The following CWF19L2 variants were observed in gnomAD, a reference collection of about 807,000 sequenced individuals.
CWF19L2 encodes CWF19 like cell cycle control factor 2.
In CWF19L2, 98 loss-of-function variants were observed where a neutral mutation model predicts 111.7. That is an observed-to-expected ratio of 0.88 (90% CI 0.75 to 1.04). CWF19L2 has a LOEUF of 1.04. Among genes scored for constraint, CWF19L2 ranks in the 50% least tolerant of loss-of-function variants. CWF19L2 has a pLI of 0.00. For missense variants in CWF19L2, 1,101 were observed against 1,051.4 expected (o/e 1.05, Z -0.65); for synonymous variants, 351 against 342.9 (o/e 1.02, Z -0.26).
chr11:107,429,782 TA>T (rs1451047059), intron 7 of CWF19L2, among the ~76,000 whole-genome samples: 2 of 134,800 alleles, frequency 1.5e-5, no homozygotes, highest in Non-Finnish European at 3.1e-5. Flanking sequence ...TTCAAGAGGT[TA>T]AATTGCTAAA....
At position 107,450,776 on chromosome 11, in the gene CWF19L2, TA is replaced by T. The variant is rs553923741; in HGVS notation, c.339+3673del. ...CTTCAGACAAGAGTATTACCAAAGA[TA>T]AAAACGAAAACTTCGTAACAACAGT... On this transcript the variant is annotated intron_variant, in intron 3 of 17. Coordinates refer to ENST00000282251, the MANE Select transcript of CWF19L2 (RefSeq NM_152434.3). 1.7e-3 allele frequency among the ~76,000 whole-genome samples: 266 copies of T among 152,168 alleles called. 1 individual carries two copies. Among genetic ancestry groups the T allele is most frequent in the Admixed American group, 3.9e-3 (59 of 15,292 alleles).
chr11:107,355,455 C>A (rs981625484), intron 12 of CWF19L2, among the ~76,000 whole-genome samples: 27 of 150,524 alleles, frequency 1.8e-4, no homozygotes, highest in Admixed American at 8.6e-4. Context: ...ACAACAACAA[C>A]AAAAAACAAA....
intron 15 of CWF19L2, 63 bp downstream of exon 15, chr11:107,336,495 A>C (rs1859925711): frequency 7.9e-7 from 1 of 1,273,468 alleles, no homozygotes; most frequent in Admixed American, 2.5e-5. Context: ...TAAAGACAAC[A>C]ATATTTGTAA....
intron 6 of CWF19L2, among the ~76,000 whole-genome samples, chr11:107,434,005 A>G (rs913853972): frequency 4.7e-5 from 7 of 149,922 alleles, no homozygotes; most frequent in African/African-American, 1.5e-4. Flanking sequence ...TTGCAATCTA[A>G]GAGAATAAGA....
At chr11:107,445,565 T>C (rs1591209865) in intron 3 of CWF19L2, among the ~76,000 whole-genome samples, 1 of 150,592 alleles carries the variant, frequency 6.6e-6, no homozygotes, top group South Asian at 2.1e-4. Flanking sequence ...GATCGTGCCA[T>C]TGCACTCCAG....
In CWF19L2 at chr11:107,334,937, C is replaced by T; in HGVS notation, c.2383G>A (p.Glu795Lys). The T allele has an allele frequency of 1.2e-6, 2 of 1,605,402 alleles. No individual in the cohort carries two copies. Among genetic ancestry groups the T allele is most frequent in the Non-Finnish European group, 8.5e-7 (1 of 1,172,700 alleles). The change falls in exon 16 of 18, where the codon GAG becomes AAG. Residue 795 changes from glutamate (E) to lysine (K), a missense_variant. Glu to Lys is a moderately conservative substitution (Grantham distance 56). Coordinates refer to ENST00000282251, the MANE Select transcript of CWF19L2 (RefSeq NM_152434.3). ...FKKAIMESDE[E>K]WSMNKKLIDL... The stretch of plus-strand genomic sequence containing the variant: ...ATCAACTTCTTGTTCATGGACCACT[C>T]TTCATCAGATTCCATTATGGCTTTC...
chr11:107,381,691 A>G (rs1283716249), intron 12 of CWF19L2, among the ~76,000 whole-genome samples: 1 of 152,174 alleles, frequency 6.6e-6, no homozygotes, highest in Admixed American at 6.6e-5. Flanking sequence ...TAAGAATGGT[A>G]TATCACTTAA....
chr11:107,407,415 C>T (rs1209304518), intron 10 of CWF19L2, among the ~76,000 whole-genome samples: 1 of 151,082 alleles, frequency 6.6e-6, no homozygotes, highest in East Asian at 1.9e-4. Flanking sequence ...AAAAAAAATT[C>T]TGGAAACAGA....
intron 2 of CWF19L2, among the ~76,000 whole-genome samples, chr11:107,455,265 C>T (rs1861837594): frequency 6.6e-6 from 1 of 151,930 alleles, no homozygotes; most frequent in Non-Finnish European, 1.5e-5. Flanking sequence ...AACCATCACA[C>T]TCTAACCCAT....
Position 107,337,367 on chromosome 11 carries a change from T to TTGTGTG in CWF19L2, c.2203-660_2203-655dup, listed in dbSNP as rs5794537. ...ATAATCAGTTGTGGAGGTGTGTGTT[T>TTGTGTG]TGTGTGTGTGTGTGTGTGTGTGTGT... On this transcript the variant is annotated intron_variant, in intron 14 of 17. Coordinates refer to ENST00000282251, the MANE Select transcript of CWF19L2 (RefSeq NM_152434.3). 4.9e-3 allele frequency among the ~76,000 whole-genome samples: 726 copies of TTGTGTG among 148,206 alleles called. 5 individuals are homozygous for TTGTGTG. The highest frequency in any genetic ancestry group is 0.02 in the East Asian group (98 of 4,990).
chr11:107,433,094 C>T (rs997641543), intron 7 of CWF19L2, among the ~76,000 whole-genome samples: 1 of 152,024 alleles, frequency 6.6e-6, no homozygotes, highest in African/African-American at 2.4e-5. Flanking sequence ...AAAATATATT[C>T]CAGAAATCTT....
intron 15 of CWF19L2, among the ~76,000 whole-genome samples, chr11:107,335,753 T>C (rs1039380204): frequency 6.6e-6 from 1 of 152,172 alleles, no homozygotes; most frequent in African/African-American, 2.4e-5. Context: ...TAACCTCATG[T>C]TTTTACAGTA....
In CWF19L2 at chr11:107,392,862, T is replaced by C; in HGVS notation, c.1651A>G (p.Thr551Ala). 6.3e-7 allele frequency: 1 copy of C among 1,578,744 alleles called. No individual in the cohort carries two copies. Among genetic ancestry groups the C allele is most frequent in the Non-Finnish European group, 8.6e-7 (1 of 1,168,772 alleles). Residue 551 changes from threonine to alanine, a missense_variant, in exon 11 of 18, where the codon ACA (threonine) becomes GCA (alanine). Thr to Ala is a moderately conservative substitution (Grantham distance 58). Coordinates refer to ENST00000282251, the MANE Select transcript of CWF19L2 (RefSeq NM_152434.3). ...EDQQEVILVR[T>A]DQSGRVWPVN... ...GGCCATACTCTTCCAGACTGATCTG[T>C]TCTGACAAGGATTACTTCTTGCTGG...
chr11:107,390,092 A>G lies in CWF19L2; in HGVS notation c.1854T>C (p.Phe618=), dbSNP rs1860825831. 4.3e-6 allele frequency: 7 copies of G among 1,612,654 alleles called. No individual in the cohort carries two copies. Among genetic ancestry groups the G allele is most frequent in the Middle Eastern group, 1.7e-4 (1 of 6,042 alleles). The part of the protein sequence containing the change: ...MGTAENQNKL[F]MRMASKFMGK... ...ATCTTACCTTAGATGCCATTCTCAT[A>G]AAGAGCTTGTTTTGATTTTCTGCTG... Residue 618 remains phenylalanine, a synonymous_variant, in exon 12 of 18, where the codon TTT becomes TTC. Transcript: ENST00000282251.
At chr11:107,434,943 G>T (rs937599744) in intron 6 of CWF19L2, among the ~76,000 whole-genome samples, 15 of 151,688 alleles carry the variant, frequency 9.9e-5, no homozygotes, top group African/African-American at 3.4e-4. Flanking sequence ...GTACACTTGT[G>T]GTTTGTGTAT....
chr11:107,406,844 T>C (rs1861085807), intron 10 of CWF19L2, among the ~76,000 whole-genome samples: 1 of 151,736 alleles, frequency 6.6e-6, no homozygotes, highest in South Asian at 2.1e-4. Context: ...CTCTTTGTTA[T>C]GTTCTCTCTT....
chr11:107,419,479 C>A (rs2135400537), intron 8 of CWF19L2, among the ~76,000 whole-genome samples: 1 of 152,114 alleles, frequency 6.6e-6, no homozygotes, highest in Admixed American at 6.6e-5. Context: ...AAACACAACC[C>A]ATAATTAGAA....
chr11:107,389,467 G>A (rs1464183809), intron 12 of CWF19L2, among the ~76,000 whole-genome samples: 1 of 152,182 alleles, frequency 6.6e-6, no homozygotes, highest in Non-Finnish European at 1.5e-5. Flanking sequence ...ACCTGTTACA[G>A]AACAGTTTAA....
chr11:107,395,177 A>C (rs1860904974), intron 10 of CWF19L2, among the ~76,000 whole-genome samples: 1 of 152,146 alleles, frequency 6.6e-6, no homozygotes, highest in Non-Finnish European at 1.5e-5. Context: ...TGTTCTCGTG[A>C]TAGTGAATGG....
Sources: allele counts gnomAD v4.1 joint callset (sites outside exome capture counted in the v4.1 genomes callset), GRCh38; gene constraint gnomAD v4.1.1; transcripts MANE v1.5; gene names NCBI Gene and HGNC (gene_info 2026-07-23, HGNC 2026-07-21).